The following MZT1 variants were observed in gnomAD, a reference collection of about 807,000 sequenced individuals.
MZT1 encodes the protein mitotic spindle organizing protein 1.
Under a neutral mutation model 8.5 loss-of-function variants are expected in MZT1, and 8 were observed. The ratio of observed to expected loss-of-function variants is 0.94; its 90% confidence interval spans 0.55 to 1.70. The LOEUF is 1.70. Ranked by LOEUF, MZT1 falls within the 40% of genes most tolerant of loss-of-function variation. The pLI is 0.00. For synonymous variants in MZT1, 38 were observed against 42.0 expected, an observed-to-expected ratio of 0.90 and a Z score of 0.37; for missense variants, 93 against 108.6, an observed-to-expected ratio of 0.86 and a Z score of 0.64.
Position 72,721,949 on chromosome 13 carries a change from A to T in MZT1, c.80-2852T>A, listed in dbSNP as rs116637787. Reference sequence around the variant, plus strand: ...AGCCTGTTATTCATATTATCTGCTGAATTTATTTCAAATTTATTTCAGTAG... The same window carrying T: ...AGCCTGTTATTCATATTATCTGCTGTATTTATTTCAAATTTATTTCAGTAG... On this transcript the variant is annotated intron_variant, in intron 1 of 2. Transcript: ENST00000377818. Among the ~76,000 whole-genome samples the T allele has an allele frequency of 8.3e-3, 1,267 of 152,280 alleles. 19 individuals carry two copies. Among genetic ancestry groups the T allele is most frequent in the African/African-American group, 0.029 (1,207 of 41,552 alleles).
At position 72,719,100 on chromosome 13, in the gene MZT1, G is replaced by GA. The variant is rs781248205; in HGVS notation, c.80-4dup. 2 of 1,303,944 alleles carry GA rather than the reference G, an allele frequency of 1.5e-6. No individual in the cohort carries two copies. Among genetic ancestry groups the GA allele is most frequent in the South Asian group, 2.2e-5 (1 of 45,128 alleles). 80.8% of individuals were successfully genotyped at this position (1,303,944 alleles called of 1,614,324 possible). A position where few individuals can be genotyped will look rare whatever the true frequency, so the allele number is the denominator to read the frequency against. On this transcript the variant is annotated splice_polypyrimidine_tract_variant and splice_region_variant and intron_variant, in intron 1 of 2. Transcript: ENST00000377818. ...AATTCTTGAAATCTCAAGCAGAACT[G>GA]AAAAAAGATACAAAAAAAAAAAAAA...
intron 1 of MZT1, among the ~76,000 whole-genome samples, chr13:72,719,447 C>A (rs78501934): frequency 0.013 from 2,033 of 152,110 alleles, 52 homozygotes; most frequent in African/African-American, 0.046. Context: ...GCATATTATT[C>A]CATTTTATGG....
chr13:72,721,031 C>T (rs1356452751), intron 1 of MZT1, among the ~76,000 whole-genome samples: 4 of 151,816 alleles, frequency 2.6e-5, no homozygotes, highest in African/African-American at 9.7e-5. Context: ...TCTGTGTGAT[C>T]GGGGGGGTGT....
chr13:72,718,480 C>CT (rs749593284), intron 2 of MZT1, among the ~76,000 whole-genome samples: 144 of 142,410 alleles, frequency 1.0e-3, no homozygotes, highest in East Asian at 1.4e-3. Flanking sequence ...AGTAATTTTT[C>CT]TTTTTTTTTT....
At chr13:72,712,446 G>A (rs1469855364) in intron 2 of MZT1, among the ~76,000 whole-genome samples, 1 of 152,302 alleles carries the variant, frequency 6.6e-6, no homozygotes. Context: ...GAGCCAGCAC[G>A]CCTAGCTGAA....
chr13:72,724,752 A>ATATATGTGTGTGTGTGTG (rs1180726488), intron 1 of MZT1, among the ~76,000 whole-genome samples: 19 of 56,890 alleles, frequency 3.3e-4, no homozygotes, highest in African/African-American at 7.0e-4. Flanking sequence ...ACATATATAT[A>ATATATGTGTGTGTGTGTG]TGTAAAGTGG....
chr13:72,713,317 A>C (rs2032505460), intron 2 of MZT1, among the ~76,000 whole-genome samples: 1 of 152,198 alleles, frequency 6.6e-6, no homozygotes, highest in Non-Finnish European at 1.5e-5. Context: ...CAGATGTCCT[A>C]AAATTTTGGA....
chr13:72,721,759 C>G (rs1204127835), intron 1 of MZT1, among the ~76,000 whole-genome samples: 1 of 152,172 alleles, frequency 6.6e-6, no homozygotes, highest in Non-Finnish European at 1.5e-5. Context: ...GTCTTGAAAA[C>G]CATTGTTCTG....
In MZT1 at chr13:72,718,944, T is replaced by A. The variant is rs746707335; in HGVS notation, c.225+8A>T. The A allele has an allele frequency of 6.4e-7, 1 of 1,558,542 alleles. No individual in the cohort carries two copies. Among genetic ancestry groups the A allele is most frequent in the Non-Finnish European group, 8.6e-7 (1 of 1,162,532 alleles). Reference sequence around the variant, plus strand: ...TTTATTTAGAATGAACTAATAGGAATCTCCAACCTTCAGTGCTTCAGTAGC... The same window carrying A: ...TTTATTTAGAATGAACTAATAGGAAACTCCAACCTTCAGTGCTTCAGTAGC... On this transcript the variant is annotated splice_region_variant and intron_variant, in intron 2 of 2. Transcript: ENST00000377818.
intron 2 of MZT1, among the ~76,000 whole-genome samples, chr13:72,716,282 T>TG (rs1352769963): frequency 1.3e-5 from 2 of 151,962 alleles, no homozygotes; most frequent in African/African-American, 4.8e-5. Flanking sequence ...AGGATAGTAG[T>TG]TACTGGAGAG....
chr13:72,714,960 C>T (rs1344429721), intron 2 of MZT1, among the ~76,000 whole-genome samples: 2 of 152,192 alleles, frequency 1.3e-5, no homozygotes, highest in African/African-American at 2.4e-5. Context: ...GGGGAACTGC[C>T]GAATGGAGCT....
Position 72,720,934 on chromosome 13 carries a change from T to TAA in MZT1, c.80-1839_80-1838dup, listed in dbSNP as rs35737085. Among the ~76,000 whole-genome samples the TAA allele has an allele frequency of 1.6e-3, 240 of 149,694 alleles. 1 individual carries two copies. Among genetic ancestry groups the TAA allele is most frequent in the African/African-American group, 4.1e-3 (169 of 41,042 alleles). On this transcript the variant is annotated intron_variant, in intron 1 of 2. Coordinates refer to ENST00000377818, the MANE Select transcript of MZT1 (RefSeq NM_001071775.3). Reference sequence around the variant, plus strand: ...AAAAATAGCAGTTCAATTTGAGTCTTAAAAAAAAAAATGTCTTTCATGCCT... The same window carrying TAA: ...AAAAATAGCAGTTCAATTTGAGTCTTAAAAAAAAAAAAATGTCTTTCATGCCT...
At chr13:72,724,752 A>ATATATATATGTGTGTGTGTGTG (rs1180726488) in intron 1 of MZT1, among the ~76,000 whole-genome samples, 2 of 56,890 alleles carry the variant, frequency 3.5e-5, no homozygotes, top group African/African-American at 1.0e-4. Flanking sequence ...ACATATATAT[A>ATATATATATGTGTGTGTGTGTG]TGTAAAGTGG....
intron 1 of MZT1, among the ~76,000 whole-genome samples, chr13:72,719,788 T>C (rs2032575642): frequency 6.6e-6 from 1 of 152,188 alleles, no homozygotes; most frequent in African/African-American, 2.4e-5. Flanking sequence ...CTGCATTTTA[T>C]TGTAGTTGAT....
At chr13:72,711,649 A>C (rs1293944618) in intron 2 of MZT1, among the ~76,000 whole-genome samples, 2 of 152,114 alleles carry the variant, frequency 1.3e-5, no homozygotes, top group African/African-American at 4.8e-5. Context: ...ATAAAGATAG[A>C]ACACAGCAGG....
At chr13:72,726,332 G>A (rs2138023507) in intron 1 of MZT1, among the ~76,000 whole-genome samples, 1 of 152,316 alleles carries the variant, frequency 6.6e-6, no homozygotes, top group Non-Finnish European at 1.5e-5. Context: ...TCCAGAGGCT[G>A]AGGCAGGAGA....
chr13:72,716,083 AT>A (rs543458941), intron 2 of MZT1, among the ~76,000 whole-genome samples: 1 of 151,806 alleles, frequency 6.6e-6, no homozygotes, highest in South Asian at 2.1e-4. Flanking sequence ...TGCCTGGCTA[AT>A]TTTTTTATTT....
chr13:72,709,506 T>C lies in MZT1; in HGVS notation c.*816A>G, dbSNP rs560445876. The C allele has an allele frequency of 1.9e-4, 29 of 152,216 alleles. No homozygotes were observed. The highest frequency in any genetic ancestry group is 1.6e-3 in the Admixed American group (24 of 15,286). 9.4% of individuals were successfully genotyped at this position (152,216 alleles called of 1,614,324 possible). On this transcript the variant is annotated 3_prime_UTR_variant, in exon 3 of 3. Coordinates refer to ENST00000377818, the MANE Select transcript of MZT1 (RefSeq NM_001071775.3). Reference sequence around the variant, plus strand: ...GGAATTTTGCATGTTTGTTGTTTCATTTTACAAATTTTTTTATTCCGTTAT... The same window carrying C: ...GGAATTTTGCATGTTTGTTGTTTCACTTTACAAATTTTTTTATTCCGTTAT...
At chr13:72,715,073 C>T (rs557471788) in intron 2 of MZT1, among the ~76,000 whole-genome samples, 20 of 152,310 alleles carry the variant, frequency 1.3e-4, no homozygotes, top group East Asian at 3.9e-4. Flanking sequence ...TGCCAGCCCA[C>T]GAAAGCAGCC....
Sources: allele counts gnomAD v4.1 joint callset (sites outside exome capture counted in the v4.1 genomes callset), GRCh38; gene constraint gnomAD v4.1.1; transcripts MANE v1.5; gene names NCBI Gene and HGNC (gene_info 2026-07-23, HGNC 2026-07-21).